WDFY4: variants seen among roughly 807,000 people sequenced by gnomAD.
WDFY4 encodes WDFY family member 4.
In WDFY4, 169 loss-of-function variants were observed where a neutral mutation model predicts 351.9. The ratio of observed to expected loss-of-function variants is 0.48; its 90% CI spans 0.42 to 0.55. The LOEUF is 0.55. Ranked by LOEUF, WDFY4 falls within the 20% of genes least tolerant of loss-of-function variation. WDFY4 has a pLI of 0.00. For synonymous variants in WDFY4, 1,622 were observed against 1,574.6 expected, an observed-to-expected ratio of 1.03 and a Z score of -0.71; for missense variants, 3,803 against 3,935.6, an observed-to-expected ratio of 0.97 and a Z score of 0.90.
chr10:48,809,460 T>TCACCACCAGCATCAC (rs2067375151), intron 28 of WDFY4, among the ~76,000 whole-genome samples: 1 of 148,960 alleles, frequency 6.7e-6, no homozygotes, highest in Admixed American at 6.7e-5. Flanking sequence ...ATCAGCATCT[T>TCACCACCAGCATCAC]CACCACCAGC....
intron 45 of WDFY4, 117 bp from the exon 46 acceptor site, chr10:48,900,104 C>G (rs965334320): frequency 8.3e-5 from 70 of 843,674 alleles, no homozygotes; most frequent in Non-Finnish European, 2.2e-5. Flanking sequence ...AAGGACGACC[C>G]AGGAAGGGTC....
intron 23 of WDFY4, among the ~76,000 whole-genome samples, chr10:48,795,263 G>A (rs1003785756): frequency 6.6e-6 from 1 of 151,844 alleles, no homozygotes; most frequent in Non-Finnish European, 1.5e-5. Flanking sequence ...TGGGGGAGAG[G>A]AAGAGAGGTT....
At chr10:48,865,533 AGCCTTT>A (rs1286220457) in intron 39 of WDFY4, among the ~76,000 whole-genome samples, 9 of 152,166 alleles carry the variant, frequency 5.9e-5, no homozygotes, top group African/African-American at 2.2e-4. Flanking sequence ...TCTCTAGTAA[AGCCTTT>A]GTCTGTTTTC....
At chr10:48,851,492 G>A (rs182124869) in intron 39 of WDFY4, among the ~76,000 whole-genome samples, 6 of 152,174 alleles carry the variant, frequency 3.9e-5, no homozygotes, top group Non-Finnish European at 8.8e-5. Flanking sequence ...AGGACTCGGC[G>A]TCCCTCCCCT....
chr10:48,772,258 T>G (rs1372392488), intron 13 of WDFY4, among the ~76,000 whole-genome samples: 1 of 152,162 alleles, frequency 6.6e-6, no homozygotes, highest in Non-Finnish European at 1.5e-5. Flanking sequence ...CCCCTGGGAT[T>G]CTGAGGCATG....
chr10:48,894,941 TCAGCCAG>T (rs1653637025), intron 44 of WDFY4, among the ~76,000 whole-genome samples: 1 of 152,204 alleles, frequency 6.6e-6, no homozygotes, highest in South Asian at 2.1e-4. Flanking sequence ...ACAAAGGACC[TCAGCCAG>T]CAGCCGGTTT....
rs1435426240 is a variant in WDFY4 at position 48,970,138 on chromosome 10, TGACATTC to T, written c.8780_8786del (p.Thr2927ArgfsTer36). On this transcript the variant is annotated frameshift_variant, in exon 57 of 62. Transcript: ENST00000325239. LOFTEE classifies it high-confidence loss of function. ...CCCCCTTATCTCCTACAGGTCCTGA[TGACATTC>T]GAGAACCTGGCTGCCTGGGGCCGCT... 7.7e-6 allele frequency: 12 copies of T among 1,551,488 alleles called. No homozygotes were observed. Among genetic ancestry groups the T allele is most frequent in the Non-Finnish European group, 1.0e-5 (12 of 1,147,000 alleles).
intron 49 of WDFY4, 124 bp downstream of exon 49, chr10:48,943,573 CTAAAGGCTGCTGAAGCT>C (rs1179698828): frequency 3.2e-6 from 3 of 949,382 alleles, no homozygotes; most frequent in Non-Finnish European, 4.4e-6. Flanking sequence ...GTACCTGGGC[CTAAAGGCTGCTGAAGCT>C]CAGATCTCTT....
chr10:48,782,863 A>C (rs573439915), intron 19 of WDFY4, among the ~76,000 whole-genome samples: 8 of 152,324 alleles, frequency 5.3e-5, no homozygotes, highest in African/African-American at 1.9e-4. Flanking sequence ...TTTATTAGGC[A>C]ACCTGAATGG....
At chr10:48,815,419 G>T (rs2132949408) in intron 31 of WDFY4, among the ~76,000 whole-genome samples, 1 of 152,184 alleles carries the variant, frequency 6.6e-6, no homozygotes, top group East Asian at 1.9e-4. Flanking sequence ...GGATTATGCT[G>T]AGAAAGTAGA....
intron 23 of WDFY4, among the ~76,000 whole-genome samples, chr10:48,791,189 G>A (rs2066666367): frequency 6.6e-6 from 1 of 152,238 alleles, no homozygotes; most frequent in South Asian, 2.1e-4. Context: ...ATTTGTGGTT[G>A]TCTCCCCACC....
chr10:48,793,431 C>T (rs892161528), intron 23 of WDFY4, among the ~76,000 whole-genome samples: 2 of 152,146 alleles, frequency 1.3e-5, no homozygotes, highest in South Asian at 4.1e-4. Flanking sequence ...AGCTGCGTGG[C>T]AAGAGAGGTG....
chr10:48,796,785 G>A (rs564305433), intron 24 of WDFY4, among the ~76,000 whole-genome samples: 1 of 152,320 alleles, frequency 6.6e-6, no homozygotes, highest in Non-Finnish European at 1.5e-5. Flanking sequence ...ATATACATAT[G>A]AGGGTAAAGA....
At chr10:48,911,182 CAT>C (rs1157236977) in intron 47 of WDFY4, among the ~76,000 whole-genome samples, 3 of 152,314 alleles carry the variant, frequency 2.0e-5, no homozygotes, top group East Asian at 3.9e-4. Flanking sequence ...TCTCATCACA[CAT>C]GTCTCAGACA....
chr10:48,954,634 G>A (rs1405714449), intron 51 of WDFY4, among the ~76,000 whole-genome samples: 2 of 152,062 alleles, frequency 1.3e-5, no homozygotes, highest in Non-Finnish European at 2.9e-5. Flanking sequence ...TCTTAGCTGG[G>A]ACTGCTCGCT....
chr10:48,758,671 C>G (rs761579358), intron 12 of WDFY4, among the ~76,000 whole-genome samples: 4 of 152,142 alleles, frequency 2.6e-5, no homozygotes, highest in Non-Finnish European at 4.4e-5. Flanking sequence ...CATGGACTCT[C>G]CTCTCATCTC....
At chr10:48,971,474 T>C (rs979134834) in intron 57 of WDFY4, among the ~76,000 whole-genome samples, 8 of 151,000 alleles carry the variant, frequency 5.3e-5, no homozygotes, top group Non-Finnish European at 1.0e-4. Context: ...CCAGCCTGGG[T>C]GACAGAGCGA....
chr10:48,695,055 A>C (rs948159107), intron 1 of WDFY4, among the ~76,000 whole-genome samples: 4 of 152,332 alleles, frequency 2.6e-5, no homozygotes, highest in African/African-American at 9.6e-5. Flanking sequence ...CACTACACGG[A>C]ACATGCCAAG....
In WDFY4 at chr10:48,720,034, C is replaced by A. The variant is rs2132268407; in HGVS notation, c.258C>A (p.Ile86=). The A allele has an allele frequency of 1.3e-6, 2 of 1,551,732 alleles. No homozygotes were observed. Among genetic ancestry groups the A allele is most frequent in the South Asian group, 2.4e-5 (2 of 84,054 alleles). Residue 86 remains isoleucine, a synonymous_variant, in exon 3 of 62, where the codon ATC becomes ATA. Coordinates refer to ENST00000325239, the MANE Select transcript of WDFY4 (RefSeq NM_001394531.1). Reference sequence around the variant, plus strand: ...AGGCCTGGGAACACTCCGTGGGGATCATCTGCTTTCCCAGTCTCCAAAGGC... The same window carrying A: ...AGGCCTGGGAACACTCCGTGGGGATAATCTGCTTTCCCAGTCTCCAAAGGC... ...FLKAWEHSVG[I]ICFPSLQRLA...
Sources: allele counts gnomAD v4.1 joint callset (sites outside exome capture counted in the v4.1 genomes callset), GRCh38; gene constraint gnomAD v4.1.1; transcripts MANE v1.5; gene names NCBI Gene and HGNC (gene_info 2026-07-23, HGNC 2026-07-21).